LUC7L: variants seen among roughly 807,000 people sequenced by gnomAD.
LUC7L encodes LUC7 like, also known as putative RNA-binding protein Luc7-like 1.
A neutral mutation model predicts 51.1 loss-of-function variants in LUC7L; 29 were observed. The observed-to-expected ratio is 0.57, with a 90% CI of 0.42 to 0.77. The LOEUF is 0.77. Among genes scored for constraint, LUC7L ranks in the 30% least tolerant of loss-of-function variants. LUC7L has a pLI of 0.00. For missense variants in LUC7L, 403 were observed against 511.9 expected, an observed-to-expected ratio of 0.79 and a Z score of 2.05; for synonymous variants, 181 against 180.7, an observed-to-expected ratio of 1.00 and a Z score of -0.01.
intron 2 of LUC7L, among the ~76,000 whole-genome samples, chr16:223,755 T>G (rs1464999164): frequency 6.6e-6 from 1 of 151,898 alleles, no homozygotes; most frequent in East Asian, 1.9e-4. Context: ...CTGCAACCTC[T>G]GCCTCCCAGA....
intron 5 of LUC7L, among the ~76,000 whole-genome samples, chr16:204,521 G>A (rs1032675876): frequency 1.3e-5 from 2 of 151,470 alleles, no homozygotes; most frequent in African/African-American, 4.9e-5. Context: ...GTGAACCGAG[G>A]AAGCGGAGCT....
intron 2 of LUC7L, among the ~76,000 whole-genome samples, chr16:226,554 C>T (rs1017420660): frequency 2.0e-5 from 3 of 152,134 alleles, no homozygotes; most frequent in Non-Finnish European, 2.9e-5. Context: ...GAAGGGGTGG[C>T]ACAACACAAA....
intron 1 of LUC7L, chr16:227,876 T>TA (rs1453352019): frequency 2.1e-4 from 208 of 1,000,714 alleles, no homozygotes; most frequent in Non-Finnish European, 2.5e-4. Context: ...TTCCCACCCT[T>TA]AAAAAAGAGA....
At chr16:194,517 G>A (rs753245023) in intron 6 of LUC7L, among the ~76,000 whole-genome samples, 2 of 152,194 alleles carry the variant, frequency 1.3e-5, no homozygotes, top group South Asian at 2.1e-4. Context: ...GTAGGAGACT[G>A]TACAAACTTT....
chr16:192,502 C>CTT (rs398058029), intron 7 of LUC7L, among the ~76,000 whole-genome samples: 50,216 of 125,330 alleles, frequency 0.4, 11,363 homozygotes, highest in Non-Finnish European at 0.51. Flanking sequence ...ATGCTGTTTA[C>CTT]TTTTTTTTTT....
intron 1 of LUC7L, chr16:228,970 C>T: frequency 2.1e-6 from 3 of 1,428,586 alleles, no homozygotes; most frequent in South Asian, 1.2e-5. Context: ...GCCGACTCCA[C>T]AGTTCGCGGA....
At chr16:220,925 C>A (rs577005330) in intron 2 of LUC7L, among the ~76,000 whole-genome samples, 178 bp from the exon 3 acceptor site, 1 of 152,200 alleles carries the variant, frequency 6.6e-6, no homozygotes, top group East Asian at 1.9e-4. Context: ...CTTTTACCAT[C>A]GTGACTACGT....
intron 3 of LUC7L, chr16:208,740 G>T: frequency 1.7e-6 from 1 of 592,140 alleles, no homozygotes; most frequent in Non-Finnish European, 2.1e-6. Flanking sequence ...ATCTAAAGTA[G>T]CAGGAAAAAT....
chr16:222,951 TAAAAAAA>T (rs376499817), intron 2 of LUC7L, among the ~76,000 whole-genome samples: 1 of 119,892 alleles, frequency 8.3e-6, no homozygotes, highest in Non-Finnish European at 1.8e-5. Flanking sequence ...CCCCGTCTTT[TAAAAAAA>T]AAAAAAAAAA....
chr16:193,676 G>A (rs907451662), intron 6 of LUC7L, among the ~76,000 whole-genome samples: 30 of 151,846 alleles, frequency 2.0e-4, no homozygotes, highest in African/African-American at 6.0e-4. Context: ...TGTATGTTTA[G>A]TAGAGACGGG....
Position 189,344 on chromosome 16 carries a change from G to A in LUC7L, c.975-5C>T, listed in dbSNP as rs1168391318. The A allele has an allele frequency of 1.2e-6, 2 of 1,605,706 alleles. No individual in the cohort carries two copies. The highest frequency in any genetic ancestry group is 2.2e-5 in the East Asian group (1 of 44,736). ...GATGCCCGCTCTCTGGAGAACCTGG[G>A]AAATGGGAACCAGAGGCTCAGTGGA... On this transcript the variant is annotated splice_polypyrimidine_tract_variant and splice_region_variant and intron_variant, in intron 9 of 9. Transcript: ENST00000293872.
chr16:225,486 C>CTTTTTTTTT (rs1172177139), intron 2 of LUC7L, among the ~76,000 whole-genome samples: 1 of 99,426 alleles, frequency 1.0e-5, no homozygotes, highest in African/African-American at 3.8e-5. Flanking sequence ...AACTCCGTCT[C>CTTTTTTTTT]TTTTTTTTTT....
rs1304267016 is a variant in LUC7L at position 201,437 on chromosome 16, CA to C, written c.511-2200del. 3.3e-5 allele frequency among the ~76,000 whole-genome samples: 5 copies of C among 151,094 alleles called. No individual in the cohort carries two copies. The Admixed American group carries it at 3.3e-4, about 10-fold the overall frequency. ...GTTACCTACTGTATGATTCCATTTA[CA>C]TAACTTTTTTTTTTTTTTTGAGACG... On this transcript the variant is annotated intron_variant, in intron 5 of 9. Transcript: ENST00000293872.
chr16:200,019 A>C (rs2049277604), intron 5 of LUC7L, among the ~76,000 whole-genome samples: 1 of 151,398 alleles, frequency 6.6e-6, no homozygotes, highest in Non-Finnish European at 1.5e-5. Context: ...GGCTGGGCTC[A>C]GTGGCTCACG....
At position 228,286 on chromosome 16, in the gene LUC7L, G is replaced by T. The variant is rs1214100754; in HGVS notation, c.62-950C>A. 4.6e-6 allele frequency: 6 copies of T among 1,301,436 alleles called. No individual in the cohort carries two copies. The African/African-American group carries it at 7.6e-5, about 16-fold the overall frequency. The allele number at this position is 1,301,436 out of a possible 1,614,324, so 80.6% of individuals were successfully genotyped here. A position where few individuals can be genotyped will look rare whatever the true frequency, so the allele number is the denominator to read the frequency against. On this transcript the variant is annotated intron_variant, in intron 1 of 9. Transcript: ENST00000293872. ...CTTTTAAAGTTACTTGTGAAAAAAA[G>T]CAAACACTTTTTTGTTATAACAGCT... is the stretch of plus-strand genomic sequence containing the variant.
At chr16:213,671 C>T (rs1414009839) in intron 3 of LUC7L, among the ~76,000 whole-genome samples, 1 of 152,176 alleles carries the variant, frequency 6.6e-6, no homozygotes, top group Admixed American at 6.5e-5. Flanking sequence ...TCCCAAAGTG[C>T]TGAGATTACA....
chr16:218,379 G>A (rs895832577), intron 3 of LUC7L, among the ~76,000 whole-genome samples: 4 of 152,110 alleles, frequency 2.6e-5, no homozygotes, highest in African/African-American at 7.2e-5. Context: ...TCATACTAGC[G>A]ATGGGTGATT....
intron 3 of LUC7L, among the ~76,000 whole-genome samples, chr16:217,451 A>G (rs886707623): frequency 1.4e-4 from 22 of 152,148 alleles, no homozygotes; most frequent in African/African-American, 4.1e-4. Context: ...TCACGCCTGT[A>G]ATCTCAACAC....
chr16:189,236 A>G lies in LUC7L; in HGVS notation c.1078T>C (p.Ser360Pro), dbSNP rs2048944249. The G allele has an allele frequency of 6.2e-7, 1 of 1,613,912 alleles. No individual in the cohort carries two copies. The highest frequency in any genetic ancestry group is 2.2e-5 in the East Asian group (1 of 44,894). Residue 360 changes from serine to proline, a missense_variant, in exon 10 of 10, where the codon TCA becomes CCA. By Grantham distance (74) the Ser-to-Pro change is moderately conservative. Transcript: ENST00000293872. ...GCCTCCTTCTCTTCTGACCTCCGTG[A>G]AGCCATCTTCCCGTTGGAGCTCTCA... Reference protein sequence around the residue: ...RLESSNGKMASRRSEEKEAGE... With the variant: ...RLESSNGKMAPRRSEEKEAGE...
Sources: gnomAD v4.1 joint callset for allele counts (sites outside exome capture counted in the v4.1 genomes callset) on GRCh38, gnomAD v4.1.1 for gene constraint, MANE v1.5 for transcripts, NCBI Gene and HGNC (gene_info 2026-07-23, HGNC 2026-07-21) for gene names.